The following NOS1AP variants were observed in gnomAD, a reference collection of about 807,000 sequenced individuals.
NOS1AP encodes the protein carboxyl-terminal PDZ ligand of neuronal nitric oxide synthase protein.
A neutral mutation model predicts 56.2 loss-of-function variants in NOS1AP; 21 were observed. The ratio of observed to expected loss-of-function variants is 0.37; its 90% CI spans 0.26 to 0.54. The LOEUF is 0.54. Ranked by LOEUF, NOS1AP falls within the 20% of genes least tolerant of loss-of-function variation. The pLI is 0.84. For missense variants in NOS1AP, 522 were observed against 657.8 expected (o/e 0.79, Z 2.26); for synonymous variants, 270 against 274.6 (o/e 0.98, Z 0.17).
intron 2 of NOS1AP, among the ~76,000 whole-genome samples, chr1:162,235,659 C>T (rs780867445): frequency 7.9e-5 from 12 of 151,788 alleles, no homozygotes; most frequent in Non-Finnish European, 1.3e-4. Flanking sequence ...GGCCTGTGTA[C>T]GTGGTTTTAA....
chr1:162,236,835 G>T lies in NOS1AP; in HGVS notation c.178-50509G>T, dbSNP rs563629001. Among the ~76,000 whole-genome samples the T allele has an allele frequency of 4.8e-4, 73 of 152,262 alleles. 1 individual carries two copies. The South Asian group carries it at 0.015, about 31-fold the overall frequency. ...TTCAGGCTTCCTGGTCTGCATGCAG[G>T]CTGTACTTCCTCACTGACCTGTCTT... On this transcript the variant is annotated intron_variant, in intron 2 of 9. Transcript: ENST00000361897.
chr1:162,336,658 A>G (rs865957482), intron 5 of NOS1AP, among the ~76,000 whole-genome samples: 2 of 152,230 alleles, frequency 1.3e-5, no homozygotes, highest in Non-Finnish European at 2.9e-5. Context: ...TGCCACTGAA[A>G]TTAGAAACAG....
At chr1:162,087,743 T>C (rs915369796) in intron 1 of NOS1AP, among the ~76,000 whole-genome samples, 15 of 152,166 alleles carry the variant, frequency 9.9e-5, no homozygotes, top group Middle Eastern at 3.2e-3. Flanking sequence ...CATGTACTGG[T>C]TGACAGATCA....
At chr1:162,267,951 G>T (rs187486158) in intron 2 of NOS1AP, among the ~76,000 whole-genome samples, 41 of 152,116 alleles carry the variant, frequency 2.7e-4, no homozygotes, top group African/African-American at 8.2e-4. Flanking sequence ...AGGTGGGAGT[G>T]AGGTGCCATG....
intron 1 of NOS1AP, among the ~76,000 whole-genome samples, chr1:162,125,483 C>T (rs1240967815): frequency 6.6e-6 from 1 of 152,082 alleles, no homozygotes; most frequent in Non-Finnish European, 1.5e-5. Flanking sequence ...TTTCATTCTT[C>T]TCTACTTGTG....
At chr1:162,300,804 A>G in intron 4 of NOS1AP, 98 bp downstream of exon 4, 1 of 974,904 alleles carries the variant, frequency 1.0e-6, no homozygotes, top group Non-Finnish European at 1.7e-6. Flanking sequence ...GCAAATTTAA[A>G]TAAACTTCTA....
intron 9 of NOS1AP, among the ~76,000 whole-genome samples, chr1:162,365,902 CAA>C: frequency 6.6e-6 from 1 of 152,142 alleles, no homozygotes; most frequent in South Asian, 2.1e-4. Context: ...AGAGCTTTTG[CAA>C]TCAACAAACA....
chr1:162,251,879 T>TTTTTTTTTTTTTTG (rs1653872927), intron 2 of NOS1AP, among the ~76,000 whole-genome samples: 1 of 140,286 alleles, frequency 7.1e-6, no homozygotes, highest in African/African-American at 2.6e-5. Context: ...GTTTTTTTTT[T>TTTTTTTTTTTTTTG]TTTTTTTTTT....
chr1:162,354,545 C>T (rs1444349160), intron 6 of NOS1AP, among the ~76,000 whole-genome samples: 2 of 152,162 alleles, frequency 1.3e-5, no homozygotes, highest in African/African-American at 2.4e-5. Flanking sequence ...CATGGAAAAG[C>T]AGCCACCCCA....
At chr1:162,324,774 T>G (rs1656530365) in intron 4 of NOS1AP, among the ~76,000 whole-genome samples, 1 of 152,206 alleles carries the variant, frequency 6.6e-6, no homozygotes, top group Admixed American at 6.5e-5. Flanking sequence ...ATTTTATTCA[T>G]TGAAGAAACC....
intron 2 of NOS1AP, among the ~76,000 whole-genome samples, chr1:162,174,702 AGTT>A (rs1411311856): frequency 1.3e-5 from 2 of 152,238 alleles, no homozygotes; most frequent in Non-Finnish European, 2.9e-5. Context: ...AGTATGGTAC[AGTT>A]GTTAGAATTA....
chr1:162,287,497 T>A (rs1403785388), intron 3 of NOS1AP, 61 bp downstream of exon 3: 1 of 1,084,652 alleles, frequency 9.2e-7, no homozygotes, highest in South Asian at 1.2e-5. Flanking sequence ...AGGCATGGGG[T>A]ACCTTCTTCT....
In NOS1AP at chr1:162,173,639, G is replaced by A. The variant is rs553930443; in HGVS notation, c.177+19163G>A. On this transcript the variant is annotated intron_variant, in intron 2 of 9. Transcript: ENST00000361897. ...CATCAGAGTGAACAGGCAACCTACA[G>A]AATGGGAGAAAATTTTTGCAACCTA... is the stretch of plus-strand genomic sequence containing the variant. Among the ~76,000 whole-genome samples, 809 of 152,234 alleles carry A rather than the reference G, an allele frequency of 5.3e-3. 4 individuals carry two copies. The highest frequency in any genetic ancestry group is 0.019 in the African/African-American group (769 of 41,538).
At chr1:162,245,435 G>A (rs183590963) in intron 2 of NOS1AP, among the ~76,000 whole-genome samples, 2 of 152,316 alleles carry the variant, frequency 1.3e-5, no homozygotes, top group African/African-American at 4.8e-5. Flanking sequence ...TGGTGGGAAT[G>A]CAAAATGGTA....
At chr1:162,105,894 G>A (rs75745570) in intron 1 of NOS1AP, among the ~76,000 whole-genome samples, 2 of 152,332 alleles carry the variant, frequency 1.3e-5, no homozygotes, top group African/African-American at 2.4e-5. Flanking sequence ...CTCAATCCAC[G>A]TGGTGCTGTG....
chr1:162,290,718 G>A (rs1655261593), intron 3 of NOS1AP, among the ~76,000 whole-genome samples: 2 of 152,146 alleles, frequency 1.3e-5, no homozygotes, highest in Non-Finnish European at 2.9e-5. Flanking sequence ...TAAAAACATT[G>A]AATAGCCCTC....
intron 1 of NOS1AP, among the ~76,000 whole-genome samples, chr1:162,144,570 TTC>T (rs1491117585): frequency 2.5e-4 from 3 of 12,058 alleles, no homozygotes; most frequent in African/African-American, 1.6e-3. Flanking sequence ...GTGTTGGACT[TTC>T]TTTTCTTTTC....
chr1:162,328,646 G>A (rs898170405), intron 4 of NOS1AP, among the ~76,000 whole-genome samples: 1 of 152,248 alleles, frequency 6.6e-6, no homozygotes, highest in Non-Finnish European at 1.5e-5. Flanking sequence ...TTGAGATAAT[G>A]ACCAGGGTGT....
At chr1:162,208,746 G>T (rs1449866613) in intron 2 of NOS1AP, among the ~76,000 whole-genome samples, 1 of 152,178 alleles carries the variant, frequency 6.6e-6, no homozygotes, top group Non-Finnish European at 1.5e-5. Context: ...CCTGCCTTCT[G>T]AGTTAGGCTA....
Sources: gnomAD v4.1 joint callset for allele counts (sites outside exome capture counted in the v4.1 genomes callset) on GRCh38, gnomAD v4.1.1 for gene constraint, MANE v1.5 for transcripts, NCBI Gene and HGNC (gene_info 2026-07-23, HGNC 2026-07-21) for gene names.